The following RXRA variants were observed in gnomAD, a reference collection of about 807,000 sequenced individuals.
RXRA encodes retinoid X receptor alpha.
In RXRA, 5 loss-of-function variants were observed where a neutral mutation model predicts 44.5. The ratio of observed to expected loss-of-function variants is 0.11; its 90% CI spans 0.06 to 0.24. The LOEUF (loss-of-function observed/expected upper bound fraction) is 0.24, where lower values mean the gene tolerates loss of function less well. RXRA is among the 10% of genes least tolerant of loss of function. The pLI is 1.00. For synonymous variants in RXRA, 291 were observed against 271.4 expected, an observed-to-expected ratio of 1.07 and a Z score of -0.71; for missense variants, 412 against 646.5, an observed-to-expected ratio of 0.64 and a Z score of 3.93.
At position 134,342,249 on chromosome 9, in the gene RXRA, C is replaced by T. The variant is rs781993244; in HGVS notation, c.28+15590C>T. On this transcript the variant is annotated intron_variant, in intron 1 of 9. Transcript: ENST00000481739. This position sits in a 1 kb window ranked among gnomAD's most constrained non-coding sequence, Gnocchi z 4.4. ...TGAGGGCAGGGGCGGGGGTCCGGGT[C>T]GAGGACTAGCAAGCCACAGTGCACC... 2.6e-5 allele frequency among the ~76,000 whole-genome samples: 4 copies of T among 152,030 alleles called. No homozygotes were observed. The highest frequency in any genetic ancestry group is 4.4e-5 in the Non-Finnish European group (3 of 67,982).
At chr9:134,398,374 C>CACGTGG (rs1554754072) in intron 1 of RXRA, among the ~76,000 whole-genome samples, 37 of 151,844 alleles carry the variant, frequency 2.4e-4, no homozygotes, top group African/African-American at 8.0e-4. Flanking sequence ...AGAGCCCACA[C>CACGTGG]ACGGGGCCCT....
chr9:134,393,765 A>T (rs1049633806), intron 1 of RXRA, among the ~76,000 whole-genome samples: 1 of 152,082 alleles, frequency 6.6e-6, no homozygotes, highest in Non-Finnish European at 1.5e-5. Flanking sequence ...CTGACTGCTC[A>T]TGGGGAGCCC....
chr9:134,422,229 C>A (rs1831351325), intron 6 of RXRA: 1 of 1,286,496 alleles, frequency 7.8e-7, no homozygotes, highest in Non-Finnish European at 1.0e-6. Flanking sequence ...GGGACATACT[C>A]CCCACTCCTG....
intron 1 of RXRA, among the ~76,000 whole-genome samples, chr9:134,354,072 A>G (rs75646679): frequency 0.038 from 5,823 of 152,198 alleles, 370 homozygotes; most frequent in African/African-American, 0.13. Flanking sequence ...AATAACACTT[A>G]GGTCCATGCC....
chr9:134,427,950 CCT>C (rs1564297417), intron 6 of RXRA, among the ~76,000 whole-genome samples: 1 of 152,120 alleles, frequency 6.6e-6, no homozygotes, highest in Admixed American at 6.5e-5. Context: ...TCCATGTCAC[CCT>C]GTCTATAAGA....
intron 1 of RXRA, chr9:134,380,094 C>T (rs1830619467): frequency 1.0e-6 from 1 of 985,364 alleles, no homozygotes; most frequent in Non-Finnish European, 1.2e-6. Flanking sequence ...TTGTCGTGGT[C>T]AGTCGTGCCG....
intron 1 of RXRA, among the ~76,000 whole-genome samples, chr9:134,344,244 C>G (rs28499449): frequency 0.051 from 7,813 of 152,230 alleles, 663 homozygotes; most frequent in African/African-American, 0.18. Context: ...CCTCTGGCAC[C>G]GGCATGTGCG....
At chr9:134,356,980 G>C (rs1039150332) in intron 1 of RXRA, among the ~76,000 whole-genome samples, 17 of 152,200 alleles carry the variant, frequency 1.1e-4, no homozygotes, top group African/African-American at 4.1e-4. Flanking sequence ...CCAGTGCTGG[G>C]CACCCCCAGG....
intron 2 of RXRA, chr9:134,403,734 C>G (rs1443681246): frequency 6.5e-6 from 1 of 152,780 alleles, no homozygotes; most frequent in African/African-American, 2.4e-5. Flanking sequence ...GGGCCATTCT[C>G]TGTTGCTTCC....
rs1831069102 is a variant in RXRA at position 134,407,376 on chromosome 9, G to A, written c.280-773G>A. On this transcript the variant is annotated intron_variant, in intron 2 of 9. Transcript: ENST00000481739. The surrounding 1 kb of genome is among the most constrained non-coding windows in gnomAD (Gnocchi z 4.8). ...CCGCCCTGCGCAGCCAGGCTGGCTGGCAGGCTGCAGCGGGAAGCGCCTGTG... is the reference window on the plus strand; with the variant it reads ...CCGCCCTGCGCAGCCAGGCTGGCTGACAGGCTGCAGCGGGAAGCGCCTGTG... 1.3e-5 allele frequency among the ~76,000 whole-genome samples: 2 copies of A among 152,352 alleles called. No individual in the cohort carries two copies. Among genetic ancestry groups the A allele is most frequent in the South Asian group, 4.1e-4 (2 of 4,830 alleles).
At chr9:134,370,383 A>G (rs1830476908) in intron 1 of RXRA, among the ~76,000 whole-genome samples, 1 of 152,182 alleles carries the variant, frequency 6.6e-6, no homozygotes, top group Admixed American at 6.5e-5. Context: ...GCTGGTTCCA[A>G]GGCCTTTCTG....
chr9:134,376,922 G>A (rs1247299404), intron 1 of RXRA, among the ~76,000 whole-genome samples: 4 of 152,198 alleles, frequency 2.6e-5, no homozygotes, highest in East Asian at 1.9e-4. Flanking sequence ...TACCTGTGGC[G>A]GGCAGTCGCT....
At chr9:134,388,552 G>T (rs1261971267) in intron 1 of RXRA, among the ~76,000 whole-genome samples, 1 of 152,216 alleles carries the variant, frequency 6.6e-6, no homozygotes, top group East Asian at 1.9e-4. Context: ...CTGTCTGACT[G>T]CTTGTCCTCT....
At position 134,350,082 on chromosome 9, in the gene RXRA, G is replaced by C. The variant is rs528621204; in HGVS notation, c.28+23423G>C. 3.3e-5 allele frequency among the ~76,000 whole-genome samples: 5 copies of C among 152,066 alleles called. No homozygotes were observed. In the South Asian group the frequency reaches 8.3e-4, roughly 25 times the overall value. On this transcript the variant is annotated intron_variant, in intron 1 of 9. Coordinates refer to ENST00000481739, the MANE Select transcript of RXRA (RefSeq NM_002957.6). The stretch of plus-strand genomic sequence containing the variant: ...GATGGCTGTGTGTGTGTGTAGGGGG[G>C]GGTGGAAGGTGGGGGTACAGCTGCC...
intron 1 of RXRA, among the ~76,000 whole-genome samples, chr9:134,398,310 A>C (rs756226006): frequency 6.6e-6 from 1 of 152,160 alleles, no homozygotes; most frequent in Non-Finnish European, 1.5e-5. Flanking sequence ...AATAACGCCT[A>C]TGGTAGCCAC....
chr9:134,397,190 C>T (rs1830892654), intron 1 of RXRA, among the ~76,000 whole-genome samples: 1 of 152,232 alleles, frequency 6.6e-6, no homozygotes, highest in Non-Finnish European at 1.5e-5. Flanking sequence ...TTCCAGCAGA[C>T]CCTCTGGGGT....
At chr9:134,350,591 G>T (rs1446351521) in intron 1 of RXRA, among the ~76,000 whole-genome samples, 3 of 152,208 alleles carry the variant, frequency 2.0e-5, no homozygotes, top group South Asian at 4.1e-4. Flanking sequence ...TCTGTGCTGT[G>T]CCCTGTGCTG....
chr9:134,379,213 A>T, intron 1 of RXRA: 1 of 955,624 alleles, frequency 1.0e-6, no homozygotes, highest in Non-Finnish European at 1.2e-6. Flanking sequence ...GTCCGTGCTT[A>T]ACTGGGCCTT....
intron 1 of RXRA, among the ~76,000 whole-genome samples, chr9:134,352,786 G>T (rs1830237621): frequency 1.3e-5 from 2 of 152,176 alleles, no homozygotes; most frequent in Admixed American, 6.5e-5. Context: ...GCTGTGTTGG[G>T]TCTCGCTTGA....
Sources: allele counts gnomAD v4.1 joint callset (sites outside exome capture counted in the v4.1 genomes callset), GRCh38; gene constraint gnomAD v4.1.1; non-coding constraint Gnocchi (gnomAD v3.1); transcripts MANE v1.5; gene names NCBI Gene and HGNC (gene_info 2026-07-23, HGNC 2026-07-21).